The following NFIB variants were observed in gnomAD, a reference collection of about 807,000 sequenced individuals.
NFIB encodes nuclear factor I B, also known as nuclear factor 1 B-type.
Under a neutral mutation model 61.5 loss-of-function variants are expected in NFIB, and 11 were observed. That is an observed-to-expected ratio of 0.18 (90% confidence interval 0.11 to 0.30). The LOEUF (loss-of-function observed/expected upper bound fraction) is 0.30, where lower values mean the gene tolerates loss of function less well. NFIB is among the 10% of genes least tolerant of loss of function. NFIB has a pLI of 1.00. For missense variants in NFIB, 471 were observed against 608.9 expected, an observed-to-expected ratio of 0.77 and a Z score of 2.38; for synonymous variants, 260 against 216.5, an observed-to-expected ratio of 1.20 and a Z score of -1.76.
Position 14,307,502 on chromosome 9 carries a change from T to C in NFIB, c.49A>G (p.Ile17Val). The change falls in exon 2 of 11, where the codon ATC becomes GTC. Residue 17 changes from isoleucine to valine, a missense_variant. Ile to Val is a conservative substitution (Grantham distance 29, BLOSUM62 3). Coordinates refer to ENST00000380953, the MANE Select transcript of NFIB (RefSeq NM_001190737.2). This position sits in a 1 kb window ranked among gnomAD's most constrained non-coding sequence, Gnocchi z 5.3. ...CGGACATGTGGAAGAAGTGCCTCGA[T>C]GAATGGGTGAAATTCATCCTGTGGA... ...CLTQDEFHPF[I>V]EALLPHVRAI... 2 of 1,604,996 alleles carry C rather than the reference T, an allele frequency of 1.2e-6. No homozygotes were observed. The highest frequency in any genetic ancestry group is 1.7e-6 in the Non-Finnish European group (2 of 1,173,914).
At chr9:14,502,230 C>G in the NFIB span, among the ~76,000 whole-genome samples, 1 of 152,156 alleles carries the variant, frequency 6.6e-6, no homozygotes, top group Non-Finnish European at 1.5e-5. Context: ...CCACACAAGG[C>G]AAAGGTATGT....
chr9:14,296,126 G>C (rs1473030503), intron 2 of NFIB, among the ~76,000 whole-genome samples: 1 of 152,212 alleles, frequency 6.6e-6, no homozygotes, highest in Admixed American at 6.5e-5. Context: ...TGAACTAAAT[G>C]ATGACCCTCT....
In NFIB at chr9:14,217,992, C is replaced by T. The variant is rs768548643; in HGVS notation, c.563-38212G>A. Among the ~76,000 whole-genome samples the T allele has an allele frequency of 8.3e-4, 126 of 152,152 alleles. 1 individual carries two copies. The highest frequency in any genetic ancestry group is 4.1e-4 in the Non-Finnish European group (28 of 68,032). Reference sequence around the variant, plus strand: ...AGCTTTTAGGTCCCTGATCCTTTGCCAGTAAAGCTGTACTTTCCATCCCAG... The same window carrying T: ...AGCTTTTAGGTCCCTGATCCTTTGCTAGTAAAGCTGTACTTTCCATCCCAG... On this transcript the variant is annotated intron_variant, in intron 2 of 10. Coordinates refer to ENST00000380953, the MANE Select transcript of NFIB (RefSeq NM_001190737.2).
chr9:14,280,594 C>G lies in NFIB; in HGVS notation c.562+26395G>C, dbSNP rs1053210182. ...TATAACACACCTTAAAAGAATAAGGCAATTCATTGACTAGTCTTCTCCTGT... is the reference window on the plus strand; with the variant it reads ...TATAACACACCTTAAAAGAATAAGGGAATTCATTGACTAGTCTTCTCCTGT... On this transcript the variant is annotated intron_variant, in intron 2 of 10. Transcript: ENST00000380953. Among the ~76,000 whole-genome samples, 12 of 152,246 alleles carry G rather than the reference C, an allele frequency of 7.9e-5. No homozygotes were observed. The East Asian group carries it at 2.3e-3, about 29-fold the overall frequency.
At chr9:14,519,226 G>C in the NFIB span, among the ~76,000 whole-genome samples, 1 of 152,166 alleles carries the variant, frequency 6.6e-6, no homozygotes, top group Admixed American at 6.5e-5. Flanking sequence ...CAACAAGTCT[G>C]ATGGTATCGG....
the NFIB span, among the ~76,000 whole-genome samples, chr9:14,453,474 A>T: frequency 6.6e-6 from 1 of 152,246 alleles, no homozygotes. Flanking sequence ...AGATGCTTGA[A>T]TGAAGCCAAC....
At chr9:14,495,593 C>A in the NFIB span, among the ~76,000 whole-genome samples, 1 of 151,950 alleles carries the variant, frequency 6.6e-6, no homozygotes, top group South Asian at 2.1e-4. Flanking sequence ...TTTCAAGCAT[C>A]AGCTGGAAGC....
At chr9:14,140,827 G>A (rs2041611650) in intron 6 of NFIB, among the ~76,000 whole-genome samples, 1 of 152,134 alleles carries the variant, frequency 6.6e-6, no homozygotes, top group Admixed American at 6.5e-5. Context: ...CCAGCTACCT[G>A]TGAAGCTGAG....
chr9:14,513,067 C>A, the NFIB span, among the ~76,000 whole-genome samples: 566 of 151,904 alleles, frequency 3.7e-3, 7 homozygotes, highest in African/African-American at 0.013. Flanking sequence ...AATGTTTATT[C>A]CATCTAAATT....
the NFIB span, among the ~76,000 whole-genome samples, chr9:14,407,440 G>A: frequency 6.6e-6 from 1 of 152,084 alleles, no homozygotes; most frequent in East Asian, 1.9e-4. Flanking sequence ...GAAAGTCTGT[G>A]GTGTTACCGA....
chr9:14,248,694 G>A (rs2055223200), intron 2 of NFIB, among the ~76,000 whole-genome samples: 1 of 152,286 alleles, frequency 6.6e-6, no homozygotes, highest in Middle Eastern at 3.4e-3. Flanking sequence ...AGAACAGGCA[G>A]GAGACTTAAG....
chr9:14,127,838 A>C (rs566172410), intron 6 of NFIB, among the ~76,000 whole-genome samples: 2 of 150,780 alleles, frequency 1.3e-5, no homozygotes, highest in Non-Finnish European at 3.0e-5. Flanking sequence ...TGCCAGGCGG[A>C]TTTGTAGCTG....
chr9:14,369,534 A>G (rs1378356508), intron 1 of NFIB, among the ~76,000 whole-genome samples: 5 of 151,996 alleles, frequency 3.3e-5, no homozygotes, highest in African/African-American at 9.7e-5. Context: ...CAGCTTTAAC[A>G]TCTCCAAGCC....
chr9:14,441,679 G>A, the NFIB span, among the ~76,000 whole-genome samples: 11,665 of 151,896 alleles, frequency 0.077, 574 homozygotes, highest in South Asian at 0.15. Flanking sequence ...GGGTCAAGAT[G>A]GGCTTGACCT....
chr9:14,312,243 G>C (rs1048211909), intron 1 of NFIB, among the ~76,000 whole-genome samples: 2 of 152,158 alleles, frequency 1.3e-5, no homozygotes, highest in South Asian at 2.1e-4. Flanking sequence ...CAGTCCTTTT[G>C]AATCACAATG....
chr9:14,423,421 T>C, the NFIB span, among the ~76,000 whole-genome samples: 1 of 152,244 alleles, frequency 6.6e-6, no homozygotes, highest in Non-Finnish European at 1.5e-5. Context: ...TTTTTCTTTA[T>C]GAGTTATACT....
At chr9:14,271,241 T>G (rs1360482121) in intron 2 of NFIB, among the ~76,000 whole-genome samples, 1 of 132,534 alleles carries the variant, frequency 7.5e-6, no homozygotes, top group African/African-American at 2.8e-5. Context: ...CCCCTCCCCA[T>G]GAGCATCTGC....
intron 2 of NFIB, among the ~76,000 whole-genome samples, chr9:14,283,955 A>G (rs1179961715): frequency 6.6e-6 from 1 of 152,212 alleles, no homozygotes; most frequent in African/African-American, 2.4e-5. Flanking sequence ...TACACACATT[A>G]TTATAAAATG....
chr9:14,337,827 G>C (rs957416391), intron 1 of NFIB, among the ~76,000 whole-genome samples: 3 of 152,184 alleles, frequency 2.0e-5, no homozygotes, highest in African/African-American at 7.2e-5. Context: ...AGACACTGAT[G>C]CTGTCTGCCA....
Sources: allele counts gnomAD v4.1 joint callset (sites outside exome capture counted in the v4.1 genomes callset), GRCh38; gene constraint gnomAD v4.1.1; non-coding constraint Gnocchi (gnomAD v3.1); transcripts MANE v1.5; gene names NCBI Gene and HGNC (gene_info 2026-07-23, HGNC 2026-07-21).